The following METTL16 variants were observed in gnomAD, a reference collection of about 807,000 sequenced individuals.
METTL16 encodes the protein RNA N(6)-adenosine-methyltransferase METTL16.
In METTL16, 19 loss-of-function variants were observed where a neutral mutation model predicts 57.9. That is an observed-to-expected ratio of 0.33 (90% confidence interval 0.23 to 0.48). The LOEUF (loss-of-function observed/expected upper bound fraction) is 0.48, where lower values mean the gene tolerates loss of function less well. Among genes scored for constraint, METTL16 ranks in the 20% least tolerant of loss-of-function variants. METTL16 has a pLI of 0.99. For missense variants in METTL16, 434 were observed against 691.5 expected, an observed-to-expected ratio of 0.63 and a Z score of 4.18; for synonymous variants, 246 against 255.6, an observed-to-expected ratio of 0.96 and a Z score of 0.36.
intron 2 of METTL16, among the ~76,000 whole-genome samples, chr17:2,501,348 G>C (rs901238562): frequency 6.6e-6 from 1 of 152,152 alleles, no homozygotes; most frequent in Non-Finnish European, 1.5e-5. Flanking sequence ...AAGACAGCTT[G>C]AGCCCAGGAG....
At chr17:2,496,024 T>A (rs1451204013) in intron 2 of METTL16, among the ~76,000 whole-genome samples, 3 of 151,372 alleles carry the variant, frequency 2.0e-5, no homozygotes, top group African/African-American at 7.4e-5. Context: ...GCAGGAGAAT[T>A]GCTTGTACCT....
intron 6 of METTL16, 34 bp downstream of exon 6, chr17:2,464,174 A>G (rs2151563427): frequency 6.3e-7 from 1 of 1,595,202 alleles, no homozygotes; most frequent in Middle Eastern, 1.7e-4. Context: ...CCTGTGTTGT[A>G]AAGATGGACT....
In METTL16 at chr17:2,451,236, T is replaced by G. The variant is rs371252606; in HGVS notation, c.729-9677A>C. On this transcript the variant is annotated intron_variant, in intron 6 of 9. Transcript: ENST00000263092. ...GAAATAATTGTTATAGCTAAAACACTTTAAACAAACCCCGGTAAAGTTATT... is the reference window on the plus strand; with the variant it reads ...GAAATAATTGTTATAGCTAAAACACGTTAAACAAACCCCGGTAAAGTTATT... Among the ~76,000 whole-genome samples, 9 of 152,352 alleles carry G rather than the reference T, an allele frequency of 5.9e-5. No homozygotes were observed. In the South Asian group the frequency reaches 1.9e-3, roughly 32 times the overall value.
intron 6 of METTL16, among the ~76,000 whole-genome samples, chr17:2,456,519 G>A (rs747501790): frequency 3.9e-5 from 6 of 152,144 alleles, no homozygotes; most frequent in African/African-American, 7.2e-5. Context: ...CTGTTGCCCC[G>A]GTTGGAGTGC....
intron 8 of METTL16, among the ~76,000 whole-genome samples, chr17:2,437,441 G>A (rs1597443113): frequency 2.0e-5 from 3 of 152,278 alleles, no homozygotes; most frequent in Admixed American, 2.0e-4. Context: ...GGAAAAGAAA[G>A]AGACCTCATT....
intron 8 of METTL16, among the ~76,000 whole-genome samples, chr17:2,427,105 C>G (rs967370848): frequency 6.6e-6 from 1 of 152,148 alleles, no homozygotes; most frequent in Non-Finnish European, 1.5e-5. Context: ...GACATCGTGC[C>G]ACAGCACTCC....
chr17:2,461,410 G>T (rs2067149081), intron 6 of METTL16, among the ~76,000 whole-genome samples: 1 of 152,032 alleles, frequency 6.6e-6, no homozygotes, highest in South Asian at 2.1e-4. Flanking sequence ...GATATTTGAT[G>T]ATTTTGGAAT....
At chr17:2,457,337 C>CAAAAAAA (rs57968051) in intron 6 of METTL16, among the ~76,000 whole-genome samples, 1 of 42,606 alleles carries the variant, frequency 2.3e-5, no homozygotes, top group Non-Finnish European at 4.9e-5. Flanking sequence ...GACTCCGTCT[C>CAAAAAAA]AAAAAAAAAA....
intron 6 of METTL16, among the ~76,000 whole-genome samples, chr17:2,446,894 C>T (rs1211588265): frequency 6.6e-6 from 1 of 152,012 alleles, no homozygotes; most frequent in Non-Finnish European, 1.5e-5. Context: ...TCAGTGGTGC[C>T]CAGGCTGGAG....
chr17:2,506,106 T>C (rs1248800002), intron 1 of METTL16, among the ~76,000 whole-genome samples: 3 of 152,042 alleles, frequency 2.0e-5, no homozygotes, highest in African/African-American at 7.2e-5. Flanking sequence ...CAGGTTATTC[T>C]TTTTATCTGT....
chr17:2,479,008 A>G (rs550560901), intron 2 of METTL16, among the ~76,000 whole-genome samples: 1 of 152,318 alleles, frequency 6.6e-6, no homozygotes, highest in African/African-American at 2.4e-5. Context: ...ACAGTCAGGA[A>G]TGGATCATAA....
intron 2 of METTL16, among the ~76,000 whole-genome samples, chr17:2,488,039 C>A (rs2067356621): frequency 6.6e-6 from 1 of 151,674 alleles, no homozygotes; most frequent in Non-Finnish European, 1.5e-5. Flanking sequence ...AAATAAAAAT[C>A]ATGCAGTACA....
intron 8 of METTL16, among the ~76,000 whole-genome samples, chr17:2,428,657 G>C (rs1394554860): frequency 7.1e-6 from 1 of 140,064 alleles, no homozygotes; most frequent in East Asian, 2.1e-4. Context: ...AGCACTTTGG[G>C]AGGCAGAAGC....
intron 2 of METTL16, among the ~76,000 whole-genome samples, chr17:2,490,404 C>T (rs548281828): frequency 2.0e-5 from 3 of 152,032 alleles, no homozygotes; most frequent in South Asian, 4.2e-4. Flanking sequence ...GGGGAGAAGA[C>T]GACGAATGAT....
chr17:2,432,341 G>GT (rs1230275462), intron 8 of METTL16, among the ~76,000 whole-genome samples: 2 of 152,164 alleles, frequency 1.3e-5, no homozygotes, highest in Non-Finnish European at 2.9e-5. Context: ...GCCGAGGAAG[G>GT]TGGATCACTT....
chr17:2,492,252 G>C (rs779759268), intron 2 of METTL16, among the ~76,000 whole-genome samples: 137 of 152,180 alleles, frequency 9.0e-4, no homozygotes, highest in Non-Finnish European at 8.1e-4. Flanking sequence ...TCGGTTAAGT[G>C]TCACATTCTA....
chr17:2,435,073 T>G (rs193084868), intron 8 of METTL16, among the ~76,000 whole-genome samples: 8 of 152,364 alleles, frequency 5.3e-5, no homozygotes, highest in African/African-American at 1.9e-4. Context: ...CATGCTTCCT[T>G]ATATTCATCA....
chr17:2,454,608 A>G (rs1429282630), intron 6 of METTL16, among the ~76,000 whole-genome samples: 1 of 138,116 alleles, frequency 7.2e-6, no homozygotes, highest in African/African-American at 2.8e-5. Context: ...TCAGCCGCCC[A>G]GGGTGGAGTG....
chr17:2,446,922 G>C (rs969145268), intron 6 of METTL16, among the ~76,000 whole-genome samples: 3 of 151,292 alleles, frequency 2.0e-5, no homozygotes, highest in African/African-American at 4.9e-5. Context: ...GCGTGATCTC[G>C]GCTCGCTACA....
Sources: gnomAD v4.1 joint callset for allele counts (sites outside exome capture counted in the v4.1 genomes callset) on GRCh38, gnomAD v4.1.1 for gene constraint, MANE v1.5 for transcripts, NCBI Gene and HGNC (gene_info 2026-07-23, HGNC 2026-07-21) for gene names.